Variants in KRT5 observed in about 807,000 individuals in gnomAD.
The protein encoded by KRT5 is keratin, type II cytoskeletal 5.
A neutral mutation model predicts 44.0 loss-of-function variants in KRT5; 17 were observed. The ratio of observed to expected loss-of-function variants is 0.39; its 90% CI spans 0.26 to 0.58. KRT5 has a LOEUF of 0.58. Ranked by LOEUF, KRT5 falls within the 20% of genes least tolerant of loss-of-function variation. KRT5 has a pLI of 0.61. For missense variants in KRT5, 737 were observed against 785.5 expected (o/e 0.94, Z 0.74); for synonymous variants, 329 against 312.8 (o/e 1.05, Z -0.55).
Position 52,517,198 on chromosome 12 carries a change from C to T in KRT5, c.1127G>A (p.Gly376Asp). The change falls in exon 6 of 9, where the codon GGC (glycine) becomes GAC (aspartate). Residue 376 changes from glycine (G) to aspartate (D), a missense_variant. This residue lies in a region of KRT5 where 344 missense variants were observed against 351.6 expected (regional missense o/e 0.98). Coordinates refer to ENST00000252242, the MANE Select transcript of KRT5 (RefSeq NM_000424.4). Reference sequence around the variant, plus strand: ...ATGCTTGGTGTTGCGGAGGTCATCGCCATGCCGGCCAGCTGTCTGCTGCAG... The same window carrying T: ...ATGCTTGGTGTTGCGGAGGTCATCGTCATGCCGGCCAGCTGTCTGCTGCAG... The part of the protein sequence containing the change: ...EELQQTAGRH[G>D]DDLRNTKHEI... The T allele has an allele frequency of 6.2e-7, 1 of 1,614,092 alleles. No individual in the cohort carries two copies. Among genetic ancestry groups the T allele is most frequent in the Non-Finnish European group, 8.5e-7 (1 of 1,180,012 alleles).
rs761999937 is a variant in KRT5 at position 52,517,140 on chromosome 12, C to T, written c.1185G>A (p.Arg395=). ...EISEMNRMIQ[R]LRAEIDNVKK... ...TGACATTGTCAATCTCGGCTCTCAG[C>T]CTCTGGATCATCCGGTTCATCTCAG... Residue 395 remains arginine (R), a synonymous_variant, in exon 6 of 9, where the codon AGG becomes AGA. Coordinates refer to ENST00000252242, the MANE Select transcript of KRT5 (RefSeq NM_000424.4). 6.2e-7 allele frequency: 1 copy of T among 1,614,180 alleles called. No homozygotes were observed. The highest frequency in any genetic ancestry group is 1.6e-4 in the Middle Eastern group (1 of 6,062).
chr12:52,518,075 C>T, intron 3 of KRT5, 28 bp downstream of exon 3: 2 of 1,613,478 alleles, frequency 1.2e-6, no homozygotes, highest in Non-Finnish European at 1.7e-6. Flanking sequence ...TAGCTGCAGG[C>T]TGCTGGTTCT....
intron 1 of KRT5, chr12:52,519,496 C>G: frequency 1.6e-6 from 1 of 626,260 alleles, no homozygotes; most frequent in Non-Finnish European, 2.8e-6. Flanking sequence ...AAATTCATCT[C>G]TCTGTCCAAC....
Position 52,517,662 on chromosome 12 carries a change from A to G in KRT5, c.1020T>C (p.Ala340=). 2 of 1,614,220 alleles carry G rather than the reference A, an allele frequency of 1.2e-6. No individual in the cohort carries two copies. Among genetic ancestry groups the G allele is most frequent in the Non-Finnish European group, 1.7e-6 (2 of 1,180,034 alleles). Reference sequence around the variant, plus strand: ...TCTCCTCATACTGGGCCTTGACCTCAGCGATGATGCTATCCAGGTCCAGGT... The same window carrying G: ...TCTCCTCATACTGGGCCTTGACCTCGGCGATGATGCTATCCAGGTCCAGGT... The part of the protein sequence containing the change: ...NRNLDLDSII[A]EVKAQYEEIA... The change falls in exon 5 of 9, where the codon GCT becomes GCC. Residue 340 remains alanine, a synonymous_variant. Transcript: ENST00000252242.
chr12:52,518,923 G>A (rs374859036), intron 2 of KRT5, 23 bp downstream of exon 2: 12 of 1,613,650 alleles, frequency 7.4e-6, no homozygotes, highest in Non-Finnish European at 9.3e-6. Flanking sequence ...CCTCCCCTGT[G>A]TCCACCCTCC....
In KRT5 at chr12:52,515,133, T is replaced by C. The variant is rs11549950; in HGVS notation, c.1582A>G (p.Ser528Gly). The C allele has an allele frequency of 0.14, 220,230 of 1,610,452 alleles. 16,355 individuals are homozygous for C. The highest frequency in any genetic ancestry group is 0.25 in the African/African-American group (18,981 of 74,544). The change falls in exon 9 of 9, where the codon AGC becomes GGC. Residue 528 changes from serine (S) to glycine (G), a missense_variant. Physicochemically the swap from Ser to Gly is moderately conservative, Grantham distance 56. Transcript: ENST00000252242. ...GGLGGGLAGG[S>G]SGSYYSSSSG... ...CTGCTGGAGTAGTAGCTTCCACTGC[T>C]ACCTCCGGCAAGACCTCCACCGAGG...
rs1440385949 is a variant in KRT5 at position 52,517,468 on chromosome 12, C to T, written c.1092+122G>A. The T allele has an allele frequency of 2.6e-6, 3 of 1,164,100 alleles. No individual in the cohort carries two copies. In the African/African-American group the frequency reaches 4.5e-5, roughly 18 times the overall value. The allele number at this position is 1,164,100 out of a possible 1,614,324, so 72.1% of individuals were successfully genotyped here. A position where few individuals can be genotyped will look rare whatever the true frequency, so the allele number is the denominator to read the frequency against. On this transcript the variant is annotated intron_variant, in intron 5 of 8. Transcript: ENST00000252242. ...ATGGAAATTGTCTACACAGCCATTC[C>T]TATAAAGCATCCCAATGGGCTTCAG...
Position 52,518,140 on chromosome 12 carries a change from C to T in KRT5, c.794G>A (p.Arg265His), listed in dbSNP as rs201583229. ...CACAAACTCATTCTCAGCAGTGGTA[C>T]GCTTGTTGATTTCATCCTCATACCT... Reference protein sequence around the residue: ...KNKYEDEINKRTTAENEFVML... With the variant: ...KNKYEDEINKHTTAENEFVML... The change falls in exon 3 of 9, where the codon CGT (arginine) becomes CAT (histidine). Residue 265 changes from arginine (R) to histidine (H), a missense_variant. Arg to His is a conservative substitution (Grantham distance 29). Coordinates refer to ENST00000252242, the MANE Select transcript of KRT5 (RefSeq NM_000424.4). The T allele has an allele frequency of 2.8e-5, 45 of 1,614,110 alleles. No homozygotes were observed. In the African/African-American group the frequency reaches 4.0e-4, roughly 14 times the overall value.
In KRT5 at chr12:52,517,135, C is replaced by G. The variant is rs1938624313; in HGVS notation, c.1190G>C (p.Arg397Thr). ...TTTCTTGACATTGTCAATCTCGGCT[C>G]TCAGCCTCTGGATCATCCGGTTCAT... ...SEMNRMIQRL[R>T]AEIDNVKKQC... Residue 397 changes from arginine (R) to threonine (T), a missense_variant, in exon 6 of 9, where the codon AGA becomes ACA. Around this residue, in one of 5 missense-constraint regions of KRT5, gnomAD observed 344 missense variants for 351.6 expected, o/e 0.98. Coordinates refer to ENST00000252242, the MANE Select transcript of KRT5 (RefSeq NM_000424.4). 3 of 1,614,194 alleles carry G rather than the reference C, an allele frequency of 1.9e-6. No homozygotes were observed. The highest frequency in any genetic ancestry group is 2.5e-6 in the Non-Finnish European group (3 of 1,180,044).
At chr12:52,515,764 T>C in intron 8 of KRT5, 34 bp downstream of exon 8, 2 of 1,561,380 alleles carry the variant, frequency 1.3e-6, no homozygotes, top group South Asian at 1.1e-5. Flanking sequence ...TCCCATATTA[T>C]TGTCGTTGTT....
Position 52,516,819 on chromosome 12 carries a change from C to A in KRT5, c.1257G>T (p.Gln419His). The A allele has an allele frequency of 6.2e-7, 1 of 1,614,224 alleles. No homozygotes were observed. Among genetic ancestry groups the A allele is most frequent in the South Asian group, 1.1e-5 (1 of 91,090 alleles). Residue 419 changes from glutamine to histidine, a missense_variant, in exon 7 of 9, where the codon CAG becomes CAT. Gln to His is a conservative substitution (Grantham distance 24). Transcript: ENST00000252242. ...NLQNAIADAE[Q>H]RGELALKDAR... The stretch of plus-strand genomic sequence containing the variant: ...CATCCTTGAGGGCCAGCTCCCCACG[C>A]TGCTCGGCATCCGCAATGGCGTTCT...
rs182508044 is a variant in KRT5, at chr12:52,517,880, T to G, written c.927+17A>C. 164 of 1,613,348 alleles carry G rather than the reference T, an allele frequency of 1.0e-4. No individual in the cohort carries two copies. Among genetic ancestry groups the G allele is most frequent in the Admixed American group, 4.7e-4 (28 of 60,032 alleles). On this transcript the variant is annotated intron_variant, in intron 4 of 8. Coordinates refer to ENST00000252242, the MANE Select transcript of KRT5 (RefSeq NM_000424.4). ...AAAAAAACCCACCCATGTGAAAAAT[T>G]TAGATAAGTTTCTTACCGCATCAAA... is the stretch of plus-strand genomic sequence containing the variant.
At chr12:52,515,886 A>G in intron 7 of KRT5, 54 bp from the exon 8 acceptor site, 1 of 1,456,550 alleles carries the variant, frequency 6.9e-7, no homozygotes, top group Non-Finnish European at 9.6e-7. Context: ...AGACAGCATT[A>G]GTCTATGTGG....
At chr12:52,515,506 AGGGGAGGAGCTAGGTACTGG>A in intron 8 of KRT5, 1 of 623,898 alleles carries the variant, frequency 1.6e-6, no homozygotes, top group Non-Finnish European at 2.8e-6. Flanking sequence ...CTAGGTACTG[AGGGGAGGAGCTAGGTACTGG>A]GGGGAGCTAG....
At position 52,515,808 on chromosome 12, in the gene KRT5, T is replaced by C. The variant is rs1334695539; in HGVS notation, c.1464A>G (p.Pro488=). The C allele has an allele frequency of 1.6e-5, 26 of 1,613,188 alleles. No homozygotes were observed. Among genetic ancestry groups the C allele is most frequent in the Non-Finnish European group, 2.2e-5 (26 of 1,179,092 alleles). ...TTCAAAGCTACTTACAGATGTTGAC[T>C]GGTCCAACTCCTTCTCCACTGAGTC... ...ECRLSGEGVG[P]VNISVVTSSV... Residue 488 remains proline, a synonymous_variant, in exon 8 of 9, where the codon CCA becomes CCG. Transcript: ENST00000252242.
In KRT5 at chr12:52,520,018, G is replaced by A. The variant is rs771800180; in HGVS notation, c.279C>T (p.Gly93=). ...FRNRFGAGAG[G]GYGFGGGAGS... is the part of the protein sequence containing the mutation. ...CGGCACCACCTCCAAAGCCATAGCCGCCTCCAGCACCAGCACCAAACCGGT... is the reference window on the plus strand; with the variant it reads ...CGGCACCACCTCCAAAGCCATAGCCACCTCCAGCACCAGCACCAAACCGGT... The change falls in exon 1 of 9, where the codon GGC becomes GGT. Residue 93 remains glycine (G), a synonymous_variant. Transcript: ENST00000252242. 1.9e-5 allele frequency: 30 copies of A among 1,613,830 alleles called. No homozygotes were observed. Among genetic ancestry groups the A allele is most frequent in the Admixed American group, 1.0e-4 (6 of 59,984 alleles).
chr12:52,517,587 C>T lies in KRT5; in HGVS notation c.1092+3G>A. The T allele has an allele frequency of 6.2e-7, 1 of 1,613,954 alleles. No individual in the cohort carries two copies. The highest frequency in any genetic ancestry group is 1.7e-5 in the Admixed American group (1 of 60,028). On this transcript the variant is annotated splice_donor_region_variant and intron_variant, in intron 5 of 8. Coordinates refer to ENST00000252242, the MANE Select transcript of KRT5 (RefSeq NM_000424.4). The stretch of plus-strand genomic sequence containing the variant: ...CTCAGGAGACAGTCATCAGAGCACC[C>T]ACCTTGGTCTGATACCAGGACTCGG...
rs59851104 is a variant in KRT5, at chr12:52,519,869, A to G, written c.428T>C (p.Val143Ala). 1.2e-6 allele frequency: 2 copies of G among 1,613,610 alleles called. No homozygotes were observed. The highest frequency in any genetic ancestry group is 1.7e-6 in the Non-Finnish European group (2 of 1,179,952). The change falls in exon 1 of 9, where the codon GTC (valine) becomes GCC (alanine). Residue 143 changes from valine to alanine, a missense_variant. Around this residue, in one of 5 missense-constraint regions of KRT5, gnomAD observed 326 missense variants for 333.1 expected, o/e 0.98. Coordinates refer to ENST00000252242, the MANE Select transcript of KRT5 (RefSeq NM_000424.4). ...PVCPPGGIQEVTVNQSLLTPL... is the reference protein window; with the variant it reads ...PVCPPGGIQEATVNQSLLTPL... ...AGTCAGGAGACTCTGGTTGACAGTG[A>G]CCTCTTGGATACCTCCAGGAGGGCA...
At chr12:52,519,253 T>C in intron 1 of KRT5, 93 bp from the exon 2 acceptor site, 1 of 1,547,744 alleles carries the variant, frequency 6.5e-7, no homozygotes, top group Non-Finnish European at 8.8e-7. Flanking sequence ...TCCGTCCCTC[T>C]AAAGCTTTTC....
Sources: allele counts gnomAD v4.1 joint callset, GRCh38; gene constraint gnomAD v4.1.1; regional missense constraint gnomAD v4.1.1; transcripts MANE v1.5; gene names NCBI Gene and HGNC (gene_info 2026-07-23, HGNC 2026-07-21).